Variants in CRYBG1 observed in about 807,000 individuals in gnomAD.
The protein encoded by CRYBG1 is beta/gamma crystallin domain-containing protein 1.
Under a neutral mutation model 189.2 loss-of-function variants are expected in CRYBG1, and 139 were observed. That is an observed-to-expected ratio of 0.73 (90% CI 0.64 to 0.85). The LOEUF (loss-of-function observed/expected upper bound fraction) is 0.85. Among genes scored for constraint, CRYBG1 ranks in the 40% least tolerant of loss-of-function variants. The pLI is 0.00. For synonymous variants in CRYBG1, 1,023 were observed against 1,017.1 expected, an observed-to-expected ratio of 1.01 and a Z score of -0.11; for missense variants, 2,611 against 2,675.8, an observed-to-expected ratio of 0.98 and a Z score of 0.53.
Position 106,568,608 on chromosome 6 carries a change from C to A in CRYBG1, c.*42C>A, listed in dbSNP as rs371534297. The A allele has an allele frequency of 6.9e-4, 1,011 of 1,460,156 alleles. 20 individuals carry two copies. In the Middle Eastern group the frequency reaches 0.025, roughly 36 times the overall value. The allele number at this position is 1,460,156 out of a possible 1,614,324, so 90.4% of individuals were successfully genotyped here. A position where few individuals can be genotyped will look rare whatever the true frequency, so the allele number is the denominator to read the frequency against. On this transcript the variant is annotated 3_prime_UTR_variant, in exon 22 of 22. Coordinates refer to ENST00000633556, the MANE Select transcript of CRYBG1 (RefSeq NM_001371242.2). Reference sequence around the variant, plus strand: ...AATCTTCTGGAGGTCCTTCCAGCCACCTTATTTCTTAAAAAGGACAATGCT... The same window carrying A: ...AATCTTCTGGAGGTCCTTCCAGCCAACTTATTTCTTAAAAAGGACAATGCT...
intron 9 of CRYBG1, 113 bp downstream of exon 9, chr6:106,539,642 T>C (rs2114567644): frequency 8.2e-7 from 1 of 1,218,492 alleles, no homozygotes; most frequent in Non-Finnish European, 1.1e-6. Context: ...AAATTTGTAG[T>C]AGATTGGACC....
Position 106,512,265 on chromosome 6 carries a change from G to A in CRYBG1, c.1148G>A (p.Ser383Asn). 6.4e-7 allele frequency: 1 copy of A among 1,560,520 alleles called. No individual in the cohort carries two copies. The highest frequency in any genetic ancestry group is 8.6e-7 in the Non-Finnish European group (1 of 1,156,594). ...AKVLTLDIYL[S>N]KTEGAQVDEP... ...GTGCTAACTTTGGACATCTACTTGA[G>A]TAAGACTGAGGGGGCACAAGTGGAC... is the stretch of plus-strand genomic sequence containing the variant. The change falls in exon 3 of 22, where the codon AGT (serine) becomes AAT (asparagine). Residue 383 changes from serine (S) to asparagine (N), a missense_variant. By Grantham distance (46) the Ser-to-Asn change is conservative. Around this residue, in one of 3 missense-constraint regions of CRYBG1, gnomAD observed 985 missense variants for 924.4 expected, o/e 1.07. Transcript: ENST00000633556.
Position 106,539,485 on chromosome 6 carries a change from G to T in CRYBG1, c.4801G>T (p.Asp1601Tyr). 1 of 1,613,414 alleles carries T rather than the reference G, an allele frequency of 6.2e-7. No individual in the cohort carries two copies. ...TGAATACCCTGACTTGTCCTTCTGG[G>T]ATACAGAAGAAGCGTACATTGGATC... The part of the protein sequence containing the change: ...PGEYPDLSFW[D>Y]TEEAYIGSMR... The change falls in exon 9 of 22, where the codon GAT becomes TAT. Residue 1601 changes from aspartate to tyrosine, a missense_variant. Asp to Tyr is a radical substitution (Grantham distance 160, BLOSUM62 -3). Around this residue, in one of 3 missense-constraint regions of CRYBG1, gnomAD observed 1,622 missense variants for 1,735.0 expected, o/e 0.93. Transcript: ENST00000633556.
At chr6:106,469,437 C>T (rs1185272244) in intron 2 of CRYBG1, among the ~76,000 whole-genome samples, 2 of 152,222 alleles carry the variant, frequency 1.3e-5, no homozygotes, top group African/African-American at 4.8e-5. Flanking sequence ...CCCATTCCTA[C>T]TACTATGTCT....
At chr6:106,393,024 C>T (rs1050976308) in intron 1 of CRYBG1, among the ~76,000 whole-genome samples, 1 of 152,204 alleles carries the variant, frequency 6.6e-6, no homozygotes, top group South Asian at 2.1e-4. Context: ...ATCCGCTCAC[C>T]TTGGCCTCTC....
chr6:106,394,054 G>A (rs1025808637), intron 1 of CRYBG1, among the ~76,000 whole-genome samples: 2 of 152,026 alleles, frequency 1.3e-5, no homozygotes, highest in African/African-American at 2.4e-5. Flanking sequence ...AAGGGTATAC[G>A]GCCAATACTG....
chr6:106,497,196 G>A (rs943885396), intron 2 of CRYBG1, among the ~76,000 whole-genome samples: 5 of 152,036 alleles, frequency 3.3e-5, no homozygotes, highest in African/African-American at 7.3e-5. Context: ...TAATGGAATG[G>A]GTGAAGAATA....
intron 2 of CRYBG1, among the ~76,000 whole-genome samples, chr6:106,510,284 T>C (rs906999200): frequency 6.6e-6 from 1 of 152,186 alleles, no homozygotes; most frequent in Non-Finnish European, 1.5e-5. Flanking sequence ...TCCCCCGCTT[T>C]CCCAGGCTCG....
At chr6:106,496,976 C>T (rs770913694) in intron 2 of CRYBG1, among the ~76,000 whole-genome samples, 1 of 152,302 alleles carries the variant, frequency 6.6e-6, no homozygotes. Flanking sequence ...GTTTGCAAAA[C>T]GCAATCCAGA....
rs975646768 is a variant in CRYBG1 at position 106,512,809 on chromosome 6, G to T, written c.1692G>T (p.Ala564=). Residue 564 remains alanine (A), a synonymous_variant, in exon 3 of 22, where the codon GCG becomes GCT. Coordinates refer to ENST00000633556, the MANE Select transcript of CRYBG1 (RefSeq NM_001371242.2). ...GTAAESGEEA[A]RAIPRELPVK... is the part of the protein sequence containing the mutation. ...CGGCCGAGAGCGGGGAGGAGGCGGCGCGGGCCATCCCCCGCGAGCTCCCGG... is the reference window on the plus strand; with the variant it reads ...CGGCCGAGAGCGGGGAGGAGGCGGCTCGGGCCATCCCCCGCGAGCTCCCGG... 1.3e-6 allele frequency: 2 copies of T among 1,574,928 alleles called. No homozygotes were observed. The highest frequency in any genetic ancestry group is 1.7e-6 in the Non-Finnish European group (2 of 1,160,052).
intron 1 of CRYBG1, among the ~76,000 whole-genome samples, chr6:106,448,300 G>A (rs1051739635): frequency 5.3e-5 from 8 of 152,188 alleles, no homozygotes; most frequent in African/African-American, 1.9e-4. Context: ...CTCTCAAGGG[G>A]AAGCAGAGGT....
Position 106,511,942 on chromosome 6 carries a change from G to T in CRYBG1, c.825G>T (p.Pro275=). 6.6e-7 allele frequency: 1 copy of T among 1,526,394 alleles called. No homozygotes were observed. The highest frequency in any genetic ancestry group is 8.8e-7 in the Non-Finnish European group (1 of 1,141,068). 94.6% of individuals were successfully genotyped at this position (1,526,394 alleles called of 1,614,324 possible). A position where few individuals can be genotyped will look rare whatever the true frequency, so the allele number is the denominator to read the frequency against. ...QENAETPARS[P]GEDASPGAGH... is the part of the protein sequence containing the mutation. ...ACGCAGAGACGCCCGCCCGCAGTCC[G>T]GGGGAGGACGCTTCACCAGGTGCTG... The change falls in exon 3 of 22, where the codon CCG becomes CCT. Residue 275 remains proline, a synonymous_variant. Transcript: ENST00000633556.
chr6:106,523,779 G>T (rs1773665899), intron 4 of CRYBG1, among the ~76,000 whole-genome samples: 1 of 150,952 alleles, frequency 6.6e-6, no homozygotes, highest in Non-Finnish European at 1.5e-5. Flanking sequence ...ACCCAAGCTG[G>T]AGTGCAGTGG....
chr6:106,409,442 A>G (rs1003313485), intron 1 of CRYBG1, among the ~76,000 whole-genome samples: 1 of 152,212 alleles, frequency 6.6e-6, no homozygotes, highest in Non-Finnish European at 1.5e-5. Flanking sequence ...AAATGGCCAT[A>G]CTTCCCAAAG....
At chr6:106,392,922 G>A (rs888267521) in intron 1 of CRYBG1, among the ~76,000 whole-genome samples, 4 of 151,902 alleles carry the variant, frequency 2.6e-5, no homozygotes, top group South Asian at 4.2e-4. Flanking sequence ...TTATAGGTGC[G>A]TGCCACCACA....
intron 1 of CRYBG1, among the ~76,000 whole-genome samples, chr6:106,363,693 G>A (rs1206188077): frequency 6.6e-6 from 1 of 152,152 alleles, no homozygotes; most frequent in Non-Finnish European, 1.5e-5. Flanking sequence ...TTAATATTAT[G>A]GGTGTTTAGG....
chr6:106,452,740 C>T (rs1398679691), intron 2 of CRYBG1, among the ~76,000 whole-genome samples: 1 of 152,020 alleles, frequency 6.6e-6, no homozygotes, highest in Non-Finnish European at 1.5e-5. Flanking sequence ...AAGTTTTCTC[C>T]AAGGTGGGAG....
chr6:106,470,693 C>G (rs1772215737), intron 2 of CRYBG1, among the ~76,000 whole-genome samples: 1 of 152,192 alleles, frequency 6.6e-6, no homozygotes, highest in Non-Finnish European at 1.5e-5. Context: ...GACCGCCTTT[C>G]TCAAAGTAAT....
Position 106,571,689 on chromosome 6 carries a change from T to A in CRYBG1, c.*3123T>A. Reference sequence around the variant, plus strand: ...CTGGGTGACACAGCGAGACCCTGTCTCTAAAACAAAAAAGACAATAAAGTA... The same window carrying A: ...CTGGGTGACACAGCGAGACCCTGTCACTAAAACAAAAAAGACAATAAAGTA... On this transcript the variant is annotated 3_prime_UTR_variant, in exon 22 of 22. Coordinates refer to ENST00000633556, the MANE Select transcript of CRYBG1 (RefSeq NM_001371242.2). 3.5e-6 allele frequency: 1 copy of A among 282,926 alleles called. No homozygotes were observed. Among genetic ancestry groups the A allele is most frequent in the South Asian group, 3.7e-5 (1 of 27,168 alleles). The allele number at this position is 282,926 out of a possible 1,614,324, so 17.5% of individuals were successfully genotyped here. A position where few individuals can be genotyped will look rare whatever the true frequency, so the allele number is the denominator to read the frequency against.
Sources: gnomAD v4.1 joint callset for allele counts (sites outside exome capture counted in the v4.1 genomes callset) on GRCh38, gnomAD v4.1.1 for gene constraint, gnomAD v4.1.1 regional missense constraint, MANE v1.5 for transcripts, NCBI Gene and HGNC (gene_info 2026-07-23, HGNC 2026-07-21) for gene names.